Variants in LHFPL6 observed in about 807,000 individuals in gnomAD.
The protein encoded by LHFPL6 is LHFPL tetraspan subfamily member 6 protein.
LHFPL6 carries 9 observed loss-of-function variants against 20.6 expected under a neutral mutation model. The observed-to-expected ratio is 0.44, with a 90% confidence interval of 0.26 to 0.76. The LOEUF (loss-of-function observed/expected upper bound fraction) is 0.76. Ranked by LOEUF, LHFPL6 falls within the 30% of genes least tolerant of loss-of-function variation. The pLI is 0.20. For synonymous variants in LHFPL6, 105 were observed against 98.7 expected (o/e 1.06, Z -0.38); for missense variants, 218 against 253.5 (o/e 0.86, Z 0.95).
intron 2 of LHFPL6, among the ~76,000 whole-genome samples, chr13:39,501,854 A>G (rs1318484966): frequency 6.6e-6 from 1 of 152,154 alleles, no homozygotes; most frequent in Non-Finnish European, 1.5e-5. Flanking sequence ...GAAAAAGAGG[A>G]GCCAAGAGTC....
chr13:39,471,109 A>G (rs1167582946), intron 2 of LHFPL6, among the ~76,000 whole-genome samples: 1 of 152,220 alleles, frequency 6.6e-6, no homozygotes, highest in Non-Finnish European at 1.5e-5. Flanking sequence ...TCATGCAGTT[A>G]TGGTAGAAAT....
intron 2 of LHFPL6, among the ~76,000 whole-genome samples, chr13:39,562,481 C>A (rs1450380361): frequency 7.5e-6 from 1 of 133,716 alleles, no homozygotes; most frequent in African/African-American, 2.6e-5. Context: ...TACACATATA[C>A]ATATATACAC....
intron 2 of LHFPL6, among the ~76,000 whole-genome samples, chr13:39,391,206 T>C (rs1313127245): frequency 6.6e-6 from 1 of 152,216 alleles, no homozygotes; most frequent in African/African-American, 2.4e-5. Context: ...GCGTAGATTT[T>C]TGTCTTGACA....
In LHFPL6 at chr13:39,509,141, C is replaced by T. The variant is rs7984743; in HGVS notation, c.385+91691G>A. Among the ~76,000 whole-genome samples, 453 of 152,174 alleles carry T rather than the reference C, an allele frequency of 3.0e-3. 1 individual carries two copies. Among genetic ancestry groups the T allele is most frequent in the African/African-American group, 1.0e-2 (415 of 41,512 alleles). The stretch of plus-strand genomic sequence containing the variant: ...ATGTGGTTATTTGCCATCCATGAAA[C>T]GATGGTGAACATCTTCTCATGTGGG... On this transcript the variant is annotated intron_variant, in intron 2 of 3. Transcript: ENST00000379589.
At chr13:39,357,120 C>T (rs548716689) in intron 3 of LHFPL6, among the ~76,000 whole-genome samples, 14 of 152,118 alleles carry the variant, frequency 9.2e-5, no homozygotes, top group East Asian at 5.8e-4. Flanking sequence ...AGCAGTGAGC[C>T]GAGATGGTGC....
intron 3 of LHFPL6, among the ~76,000 whole-genome samples, chr13:39,365,367 G>A (rs1051625311): frequency 6.6e-6 from 1 of 152,278 alleles, no homozygotes; most frequent in Non-Finnish European, 1.5e-5. Flanking sequence ...TACATACCTA[G>A]AGAACCGGAA....
intron 3 of LHFPL6, among the ~76,000 whole-genome samples, chr13:39,356,611 G>A (rs1869733450): frequency 6.6e-6 from 1 of 152,136 alleles, no homozygotes; most frequent in African/African-American, 2.4e-5. Context: ...ATGATAGATA[G>A]ACTGCTAGCT....
intron 3 of LHFPL6, among the ~76,000 whole-genome samples, chr13:39,356,212 C>T (rs1869721781): frequency 6.6e-6 from 1 of 152,252 alleles, no homozygotes; most frequent in South Asian, 2.1e-4. Context: ...GAAATTGATA[C>T]CATGAAGATC....
intron 2 of LHFPL6, among the ~76,000 whole-genome samples, chr13:39,471,509 C>A (rs762706912): frequency 7.2e-5 from 11 of 152,160 alleles, no homozygotes; most frequent in Non-Finnish European, 1.5e-4. Flanking sequence ...ACAGCCCAAC[C>A]AGGACATTCT....
intron 3 of LHFPL6, among the ~76,000 whole-genome samples, chr13:39,374,598 A>G (rs1870242140): frequency 6.6e-6 from 1 of 152,204 alleles, no homozygotes; most frequent in Admixed American, 6.5e-5. Flanking sequence ...AGAGTTAAGT[A>G]GCTGCAATAG....
chr13:39,591,169 G>C (rs1297242855), intron 2 of LHFPL6, among the ~76,000 whole-genome samples: 1 of 152,108 alleles, frequency 6.6e-6, no homozygotes, highest in Non-Finnish European at 1.5e-5. Context: ...GTAAAAAATA[G>C]TAACTCAAAA....
intron 2 of LHFPL6, among the ~76,000 whole-genome samples, chr13:39,586,921 C>A (rs1440914346): frequency 2.0e-5 from 3 of 152,110 alleles, no homozygotes; most frequent in Admixed American, 1.3e-4. Context: ...CTTTGGGAGG[C>A]CGAGGTGGGT....
intron 3 of LHFPL6, among the ~76,000 whole-genome samples, chr13:39,357,333 C>T (rs1209139263): frequency 2.0e-5 from 3 of 152,114 alleles, no homozygotes; most frequent in African/African-American, 7.2e-5. Flanking sequence ...AACTAGGCAT[C>T]AAAGGAACAC....
intron 2 of LHFPL6, among the ~76,000 whole-genome samples, chr13:39,529,985 A>G (rs542683531): frequency 6.6e-6 from 1 of 152,222 alleles, no homozygotes; most frequent in African/African-American, 2.4e-5. Flanking sequence ...AATTTATCCA[A>G]TCCAAAACTA....
chr13:39,394,529 G>A (rs1251546652), intron 2 of LHFPL6, among the ~76,000 whole-genome samples: 2 of 152,168 alleles, frequency 1.3e-5, no homozygotes, highest in African/African-American at 2.4e-5. Flanking sequence ...AAATCAAAGA[G>A]TAGTGAACTC....
intron 2 of LHFPL6, among the ~76,000 whole-genome samples, chr13:39,424,541 G>A (rs550643506): frequency 6.6e-6 from 1 of 152,252 alleles, no homozygotes; most frequent in African/African-American, 2.4e-5. Flanking sequence ...CCCGAGTAAA[G>A]GAAATTGCAA....
At chr13:39,412,533 C>T (rs919378200) in intron 2 of LHFPL6, among the ~76,000 whole-genome samples, 9 of 152,154 alleles carry the variant, frequency 5.9e-5, no homozygotes, top group African/African-American at 2.2e-4. Flanking sequence ...AGCTTTCTGG[C>T]GATTGATTAA....
At chr13:39,601,695 T>C (rs959763135) in intron 1 of LHFPL6, among the ~76,000 whole-genome samples, 1 of 152,234 alleles carries the variant, frequency 6.6e-6, no homozygotes, top group Non-Finnish European at 1.5e-5. Flanking sequence ...ATACTCACAT[T>C]AAAAGTAATG....
intron 2 of LHFPL6, among the ~76,000 whole-genome samples, chr13:39,429,527 A>G (rs1871732524): frequency 6.6e-6 from 1 of 152,138 alleles, no homozygotes; most frequent in Non-Finnish European, 1.5e-5. Context: ...TAGGCAACAT[A>G]TAGTTAGGTC....
Sources: gnomAD v4.1 joint callset for allele counts (sites outside exome capture counted in the v4.1 genomes callset) on GRCh38, gnomAD v4.1.1 for gene constraint, MANE v1.5 for transcripts, NCBI Gene and HGNC (gene_info 2026-07-23, HGNC 2026-07-21) for gene names.